The following ADAMTS2 variants were observed in gnomAD, a reference collection of about 807,000 sequenced individuals.
ADAMTS2 encodes the protein A disintegrin and metalloproteinase with thrombospondin motifs 2.
ADAMTS2 carries 50 observed loss-of-function variants against 123.0 expected under a neutral mutation model. That is an observed-to-expected ratio of 0.41 (90% CI 0.32 to 0.51). The LOEUF (loss-of-function observed/expected upper bound fraction) is 0.51, where lower values mean the gene tolerates loss of function less well. Among genes scored for constraint, ADAMTS2 ranks in the 20% least tolerant of loss-of-function variants. The pLI is 0.35. For synonymous variants in ADAMTS2, 678 were observed against 695.4 expected (o/e 0.98, Z 0.39); for missense variants, 1,494 against 1,705.2 (o/e 0.88, Z 2.18).
intron 3 of ADAMTS2, among the ~76,000 whole-genome samples, chr5:179,247,840 T>G (rs1765839500): frequency 6.6e-6 from 1 of 152,194 alleles, no homozygotes; most frequent in South Asian, 2.1e-4. Context: ...TGAGAGAGTT[T>G]GTTTTCTAGT....
intron 2 of ADAMTS2, among the ~76,000 whole-genome samples, chr5:179,342,882 T>A (rs1757817858): frequency 6.6e-6 from 1 of 152,242 alleles, no homozygotes; most frequent in Non-Finnish European, 1.5e-5. Context: ...CGGTCCCTCC[T>A]GCCCTCTCCA....
chr5:179,336,968 C>G (rs1757629702), intron 2 of ADAMTS2, among the ~76,000 whole-genome samples: 1 of 152,202 alleles, frequency 6.6e-6, no homozygotes, highest in Admixed American at 6.5e-5. Flanking sequence ...CCCTGTGCCT[C>G]TGAGCGGAAG....
At chr5:179,223,805 T>C (rs1765204852) in intron 3 of ADAMTS2, among the ~76,000 whole-genome samples, 1 of 151,516 alleles carries the variant, frequency 6.6e-6, no homozygotes, top group African/African-American at 2.4e-5. Flanking sequence ...CACACGTGTG[T>C]GCATATGTGA....
chr5:179,283,951 T>TATTATTATC (rs1755920269), intron 2 of ADAMTS2, among the ~76,000 whole-genome samples: 1 of 90,852 alleles, frequency 1.1e-5, no homozygotes, highest in Non-Finnish European at 2.2e-5. Flanking sequence ...AGATGATTAT[T>TATTATTATC]ATTATTATTA....
chr5:179,125,795 A>G (rs1212617229), intron 18 of ADAMTS2, among the ~76,000 whole-genome samples: 1 of 152,188 alleles, frequency 6.6e-6, no homozygotes, highest in Admixed American at 6.5e-5. Context: ...TGTCATCTCT[A>G]AGATGCTGTT....
chr5:179,203,765 G>T (rs1373190471), intron 4 of ADAMTS2, among the ~76,000 whole-genome samples: 1 of 152,242 alleles, frequency 6.6e-6, no homozygotes, highest in Non-Finnish European at 1.5e-5. Flanking sequence ...GTTGGTGGGG[G>T]GCAAAATGGC....
intron 2 of ADAMTS2, among the ~76,000 whole-genome samples, chr5:179,299,500 GCC>G (rs1756446911): frequency 2.1e-5 from 3 of 144,654 alleles, no homozygotes; most frequent in African/African-American, 5.1e-5. Context: ...CAGCACTCCA[GCC>G]TGGGCAACAG....
At chr5:179,319,601 G>C (rs890797089) in intron 2 of ADAMTS2, among the ~76,000 whole-genome samples, 29 of 151,996 alleles carry the variant, frequency 1.9e-4, no homozygotes, top group African/African-American at 6.8e-4. Flanking sequence ...TACTTTCCCA[G>C]TTCCTGCCAC....
At chr5:179,193,318 C>G (rs544225393) in intron 4 of ADAMTS2, among the ~76,000 whole-genome samples, 2 of 152,192 alleles carry the variant, frequency 1.3e-5, no homozygotes, top group Non-Finnish European at 2.9e-5. Flanking sequence ...CCGCCTACGC[C>G]GAGTACTTCC....
In ADAMTS2 at chr5:179,285,187, G is replaced by A. The variant is rs1447566889; in HGVS notation, c.535-12123C>T. Among the ~76,000 whole-genome samples the A allele has an allele frequency of 6.6e-6, 1 of 152,178 alleles. No homozygotes were observed. Among genetic ancestry groups the A allele is most frequent in the African/African-American group, 2.4e-5 (1 of 41,448 alleles). On this transcript the variant is annotated intron_variant, in intron 2 of 21. Coordinates refer to ENST00000251582, the MANE Select transcript of ADAMTS2 (RefSeq NM_014244.5). The surrounding 1 kb of genome is among the most constrained non-coding windows in gnomAD (Gnocchi z 4.9). ...AGGGTCAGCAGTGTTACGATCGGGG[G>A]TGAGTTTCACTTTTTATTAATATTT... is the stretch of plus-strand genomic sequence containing the variant.
chr5:179,195,000 C>A (rs1467548274), intron 4 of ADAMTS2, among the ~76,000 whole-genome samples: 1 of 152,200 alleles, frequency 6.6e-6, no homozygotes, highest in Non-Finnish European at 1.5e-5. Flanking sequence ...CAGGCCTTTG[C>A]GCGCGCTGTG....
chr5:179,230,997 C>T (rs113744969), intron 3 of ADAMTS2, among the ~76,000 whole-genome samples: 169 of 151,092 alleles, frequency 1.1e-3, no homozygotes, highest in African/African-American at 4.0e-3. Context: ...GGCAACAGAG[C>T]GAAACTCAGT....
chr5:179,113,962 G>C lies in ADAMTS2; in HGVS notation c.3541C>G (p.Pro1181Ala). 6.2e-7 allele frequency: 1 copy of C among 1,614,110 alleles called. No homozygotes were observed. The highest frequency in any genetic ancestry group is 8.5e-7 in the Non-Finnish European group (1 of 1,180,022). ...TTTTCATAGGGGCTCGGTCGTCGAG[G>C]GATTAGGTTGGGTGGCTGGACTTCA... Reference protein sequence around the residue: ...EDEVQPPNLIPRRPSPYEKTR... With the variant: ...EDEVQPPNLIARRPSPYEKTR... Residue 1181 changes from proline to alanine, a missense_variant, in exon 22 of 22, where the codon CCT becomes GCT. This residue lies in a region of ADAMTS2 where 953 missense variants were observed against 1,124.7 expected (regional missense o/e 0.85). Coordinates refer to ENST00000251582, the MANE Select transcript of ADAMTS2 (RefSeq NM_014244.5).
intron 10 of ADAMTS2, among the ~76,000 whole-genome samples, chr5:179,142,074 T>C (rs1763181263): frequency 6.6e-6 from 1 of 151,738 alleles, no homozygotes; most frequent in African/African-American, 2.4e-5. Context: ...TGCAGGGGCC[T>C]GCCCAGAGGG....
At chr5:179,321,462 GC>G (rs1207261703) in intron 2 of ADAMTS2, among the ~76,000 whole-genome samples, 6 of 152,072 alleles carry the variant, frequency 3.9e-5, no homozygotes, top group Admixed American at 3.9e-4. Flanking sequence ...TGGGCCTGAT[GC>G]CCCCTGCCAT....
intron 4 of ADAMTS2, among the ~76,000 whole-genome samples, chr5:179,191,874 C>T (rs894249352): frequency 6.6e-6 from 1 of 151,476 alleles, no homozygotes; most frequent in Admixed American, 6.6e-5. Context: ...GGATGCCCCT[C>T]GCTCCAGAAG....
At chr5:179,143,651 G>T (rs1011456203) in intron 10 of ADAMTS2, among the ~76,000 whole-genome samples, 1 of 152,168 alleles carries the variant, frequency 6.6e-6, no homozygotes, top group African/African-American at 2.4e-5. Flanking sequence ...AAAAGCGCCA[G>T]AGGGAGCTAG....
intron 4 of ADAMTS2, among the ~76,000 whole-genome samples, chr5:179,184,785 T>C (rs934763690): frequency 3.9e-5 from 6 of 151,924 alleles, no homozygotes; most frequent in Non-Finnish European, 8.8e-5. Context: ...GCAGAACCAC[T>C]GCCTCACCAT....
At chr5:179,233,383 T>C (rs1312050536) in intron 3 of ADAMTS2, among the ~76,000 whole-genome samples, 1 of 49,912 alleles carries the variant, frequency 2.0e-5, no homozygotes, top group Non-Finnish European at 3.3e-5. Flanking sequence ...ATGTGTCACA[T>C]TAAAAAACAA....
Sources: gnomAD v4.1 joint callset for allele counts (sites outside exome capture counted in the v4.1 genomes callset) on GRCh38, gnomAD v4.1.1 for gene constraint, gnomAD v4.1.1 regional missense constraint, Gnocchi (gnomAD v3.1) non-coding constraint, MANE v1.5 for transcripts, NCBI Gene and HGNC (gene_info 2026-07-23, HGNC 2026-07-21) for gene names.